Variants in ATP1A1 observed in about 807,000 individuals in gnomAD.
ATP1A1 encodes the protein ATPase Na+/K+ transporting subunit alpha 1.
A neutral mutation model predicts 114.8 loss-of-function variants in ATP1A1; 14 were observed. The observed-to-expected ratio is 0.12, with a 90% CI of 0.08 to 0.19. ATP1A1 has a LOEUF of 0.19. Ranked by LOEUF, ATP1A1 falls within the 10% of genes least tolerant of loss-of-function variation. The probability of loss-of-function intolerance (pLI) is 1.00; values close to 1 mark genes in which losing one functional copy is unlikely to be tolerated. For synonymous variants in ATP1A1, 471 were observed against 466.3 expected, an observed-to-expected ratio of 1.01 and a Z score of -0.13; for missense variants, 524 against 1,290.7, an observed-to-expected ratio of 0.41 and a Z score of 9.10.
chr1:116,390,489 A>ATT, intron 9 of ATP1A1, 78 bp downstream of exon 9: 1 of 1,289,072 alleles, frequency 7.8e-7, no homozygotes. Flanking sequence ...ATTGCATGAA[A>ATT]TTTCTTTTTT....
Position 116,373,421 on chromosome 1 carries a change from G to GGTCCC in ATP1A1, c.-89_-85dup. On this transcript the variant is annotated 5_prime_UTR_variant, in exon 1 of 23. Transcript: ENST00000295598. The stretch of plus-strand genomic sequence containing the variant: ...CTAGCTCCCTCCACTTGGCTCCCCT[G>GGTCCC]GTCCCGCTCGCTCGGCCGGGAGCTG... The GGTCCC allele has an allele frequency of 7.4e-7, 1 of 1,356,540 alleles. No individual in the cohort carries two copies. Among genetic ancestry groups the GGTCCC allele is most frequent in the South Asian group, 1.3e-5 (1 of 74,664 alleles). The allele number at this position is 1,356,540 out of a possible 1,614,324, so 84.0% of individuals were successfully genotyped here. A position where few individuals can be genotyped will look rare whatever the true frequency, so the allele number is the denominator to read the frequency against.
intron 18 of ATP1A1, 86 bp from the exon 19 acceptor site, chr1:116,400,775 C>T: frequency 6.6e-7 from 1 of 1,509,952 alleles, no homozygotes. Flanking sequence ...ATGTGCTCTC[C>T]CAGGCCTGCT....
At position 116,385,526 on chromosome 1, in the gene ATP1A1, A is replaced by G. The variant is rs888632620; in HGVS notation, c.183+684A>G. The G allele has an allele frequency of 6.5e-6, 1 of 152,890 alleles. No individual in the cohort carries two copies. The highest frequency in any genetic ancestry group is 1.9e-4 in the East Asian group (1 of 5,230). 9.5% of individuals were successfully genotyped at this position (152,890 alleles called of 1,614,324 possible). On this transcript the variant is annotated intron_variant, in intron 3 of 22. Transcript: ENST00000295598. This position sits in a 1 kb window ranked among gnomAD's most constrained non-coding sequence, Gnocchi z 4.3. ...CAGTAAGGCATCAAGAGACATGGGT[A>G]CTGTGGTATTCTGATATATATTGGT... is the stretch of plus-strand genomic sequence containing the variant.
chr1:116,385,627 A>G lies in ATP1A1; in HGVS notation c.183+785A>G, dbSNP rs975547375. ...TTTGTTATAATGTTGGGTGTGTTAG[A>G]CCTCAGTGGCAGGCTTCAAGAAACA... On this transcript the variant is annotated intron_variant, in intron 3 of 22. Transcript: ENST00000295598. The surrounding 1 kb of genome is among the most constrained non-coding windows in gnomAD (Gnocchi z 4.3). The G allele has an allele frequency of 4.0e-5, 6 of 151,848 alleles. No individual in the cohort carries two copies. The highest frequency in any genetic ancestry group is 1.5e-4 in the African/African-American group (6 of 41,352). The allele number at this position is 151,848 out of a possible 1,614,324, so 9.4% of individuals were successfully genotyped here.
At chr1:116,392,661 C>A in intron 10 of ATP1A1, 193 bp from the exon 11 acceptor site, 1 of 564,258 alleles carries the variant, frequency 1.8e-6, no homozygotes, top group Non-Finnish European at 2.9e-6. Context: ...GGGTTTGAGT[C>A]TGAAGCACTG....
At position 116,390,774 on chromosome 1, in the gene ATP1A1, T is replaced by TC. The variant is rs770878361; in HGVS notation, c.1223-6dup. On this transcript the variant is annotated splice_region_variant and splice_polypyrimidine_tract_variant and intron_variant, in intron 9 of 22. Transcript: ENST00000295598. ...TGTTGTTCTGTTGTGTTTTCTTGCCTCCATCAGGTGTCTCTTTTGACAAGA... is the reference window on the plus strand; with the variant it reads ...TGTTGTTCTGTTGTGTTTTCTTGCCTCCCATCAGGTGTCTCTTTTGACAAGA... 2 of 1,612,254 alleles carry TC rather than the reference T, an allele frequency of 1.2e-6. No individual in the cohort carries two copies. Among genetic ancestry groups the TC allele is most frequent in the Non-Finnish European group, 1.7e-6 (2 of 1,178,390 alleles).
intron 1 of ATP1A1, chr1:116,373,870 A>T: frequency 2.4e-6 from 3 of 1,254,680 alleles, no homozygotes; most frequent in Non-Finnish European, 2.0e-6. Context: ...GGCTTGCAGC[A>T]GCGGGGGCGG....
intron 1 of ATP1A1, among the ~76,000 whole-genome samples, chr1:116,376,513 G>A (rs1233363755): frequency 6.6e-6 from 1 of 152,192 alleles, no homozygotes; most frequent in Non-Finnish European, 1.5e-5. Context: ...GCTGGGGGGT[G>A]GAGAGAGCAC....
intron 21 of ATP1A1, among the ~76,000 whole-genome samples, chr1:116,402,604 A>C (rs541978579): frequency 6.6e-6 from 1 of 151,708 alleles, no homozygotes; most frequent in Non-Finnish European, 1.5e-5. Context: ...CATTGTCCCA[A>C]CCTGTCTTTA....
chr1:116,384,438 G>A lies in ATP1A1; in HGVS notation c.123+314G>A, dbSNP rs1210951923. Among the ~76,000 whole-genome samples, 1 of 152,184 alleles carries A rather than the reference G, an allele frequency of 6.6e-6. No individual in the cohort carries two copies. The highest frequency in any genetic ancestry group is 1.5e-5 in the Non-Finnish European group (1 of 68,026). On this transcript the variant is annotated intron_variant, in intron 2 of 22. Coordinates refer to ENST00000295598, the MANE Select transcript of ATP1A1 (RefSeq NM_000701.8). The surrounding 1 kb of genome is among the most constrained non-coding windows in gnomAD (Gnocchi z 5.1). ...AATTCAGCCTCTCCAGGCGATGGAA[G>A]CTTCCATAGACTTAACCTGTCTAGA...
intron 1 of ATP1A1, among the ~76,000 whole-genome samples, chr1:116,380,870 C>T (rs916900194): frequency 3.9e-5 from 6 of 151,944 alleles, no homozygotes; most frequent in East Asian, 3.9e-4. Context: ...GCTGTGTCAC[C>T]GTGGGTAAGC....
At chr1:116,383,617 A>G (rs112429287) in intron 1 of ATP1A1, 7,438 of 171,704 alleles carry the variant, frequency 0.043, 263 homozygotes, top group Non-Finnish European at 0.067. Context: ...ACTCATAAGC[A>G]CAATATTGCA....
At chr1:116,383,083 A>G (rs1018768208) in intron 1 of ATP1A1, among the ~76,000 whole-genome samples, 10 of 152,134 alleles carry the variant, frequency 6.6e-5, no homozygotes, top group Admixed American at 3.9e-4. Context: ...CTAAATTTAA[A>G]CTATAGAATC....
At position 116,388,105 on chromosome 1, in the gene ATP1A1, G is replaced by T. The variant is rs769476643; in HGVS notation, c.388-26G>T. ...CCCTAATTATTGTGTAGAGCCACGG[G>T]CCCTAACTTGTCTTTTCCCTTCCAG... On this transcript the variant is annotated intron_variant, in intron 4 of 22. Coordinates refer to ENST00000295598, the MANE Select transcript of ATP1A1 (RefSeq NM_000701.8). The surrounding 1 kb of genome is among the most constrained non-coding windows in gnomAD (Gnocchi z 5.6). 6.7e-7 allele frequency: 1 copy of T among 1,491,318 alleles called. No individual in the cohort carries two copies. The highest frequency in any genetic ancestry group is 9.3e-7 in the Non-Finnish European group (1 of 1,070,888). The allele number at this position is 1,491,318 out of a possible 1,614,324, so 92.4% of individuals were successfully genotyped here.
rs776613257 is a variant in ATP1A1, at chr1:116,395,299, G to C, written c.1836+14G>C. 6.2e-7 allele frequency: 1 copy of C among 1,612,354 alleles called. No individual in the cohort carries two copies. The highest frequency in any genetic ancestry group is 2.2e-5 in the East Asian group (1 of 44,812). ...GCTGGAATTAAGGTAGTGCCCAGGC[G>C]CCTCCTTGGCTTCATCTCTTAGTGC... On this transcript the variant is annotated intron_variant, in intron 13 of 22. Transcript: ENST00000295598. This position sits in a 1 kb window ranked among gnomAD's most constrained non-coding sequence, Gnocchi z 6.4.
chr1:116,404,458 A>G lies in ATP1A1; in HGVS notation c.*14A>G. 6.2e-7 allele frequency: 1 copy of G among 1,608,914 alleles called. No homozygotes were observed. The stretch of plus-strand genomic sequence containing the variant: ...ACCTACTATTAGCCCCCCGTCCTGC[A>G]CGCCGTGGAGCATCAGGCCACACAC... On this transcript the variant is annotated 3_prime_UTR_variant, in exon 23 of 23. Transcript: ENST00000295598. This position sits in a 1 kb window ranked among gnomAD's most constrained non-coding sequence, Gnocchi z 4.8.
chr1:116,393,851 G>A lies in ATP1A1; in HGVS notation c.1660+128G>A, dbSNP rs1652676280. On this transcript the variant is annotated intron_variant, in intron 12 of 22. Coordinates refer to ENST00000295598, the MANE Select transcript of ATP1A1 (RefSeq NM_000701.8). This position sits in a 1 kb window ranked among gnomAD's most constrained non-coding sequence, Gnocchi z 5.0. The stretch of plus-strand genomic sequence containing the variant: ...TGACCTTCCTCTACATCTTTTAGGG[G>A]CAATCCTCCTATTTGTTTATTTGCC... 3 of 902,766 alleles carry A rather than the reference G, an allele frequency of 3.3e-6. No individual in the cohort carries two copies. Among genetic ancestry groups the A allele is most frequent in the Admixed American group, 3.0e-5 (1 of 33,132 alleles). 55.9% of individuals were successfully genotyped at this position (902,766 alleles called of 1,614,324 possible).
At position 116,373,413 on chromosome 1, in the gene ATP1A1, G is replaced by A; in HGVS notation, c.-99G>A. On this transcript the variant is annotated 5_prime_UTR_variant, in exon 1 of 23. Transcript: ENST00000295598. The stretch of plus-strand genomic sequence containing the variant: ...CGGCAGCCCTAGCTCCCTCCACTTG[G>A]CTCCCCTGGTCCCGCTCGCTCGGCC... 2 of 1,296,790 alleles carry A rather than the reference G, an allele frequency of 1.5e-6. No individual in the cohort carries two copies. Among genetic ancestry groups the A allele is most frequent in the Non-Finnish European group, 1.0e-6 (1 of 961,518 alleles). The allele number at this position is 1,296,790 out of a possible 1,614,324, so 80.3% of individuals were successfully genotyped here.
rs1653101080 is a variant in ATP1A1, at chr1:116,398,218, G to T, written c.2124+180G>T. Among the ~76,000 whole-genome samples the T allele has an allele frequency of 1.3e-5, 2 of 152,176 alleles. No homozygotes were observed. The highest frequency in any genetic ancestry group is 4.1e-4 in the South Asian group (2 of 4,826). On this transcript the variant is annotated intron_variant, in intron 15 of 22. Transcript: ENST00000295598. This position sits in a 1 kb window ranked among gnomAD's most constrained non-coding sequence, Gnocchi z 6.1. ...GGTGACTTGTTAATGGTTTAGCAGT[G>T]ACAGAAGCACTTTAAAGTCCAGGTG...
Sources: gnomAD v4.1 joint callset for allele counts (sites outside exome capture counted in the v4.1 genomes callset) on GRCh38, gnomAD v4.1.1 for gene constraint, Gnocchi (gnomAD v3.1) non-coding constraint, MANE v1.5 for transcripts, NCBI Gene and HGNC (gene_info 2026-07-23, HGNC 2026-07-21) for gene names.